NAALADL2: variants seen among roughly 807,000 people sequenced by gnomAD.
NAALADL2 encodes N-acetylated alpha-linked acidic dipeptidase like 2, also known as inactive N-acetylated-alpha-linked acidic dipeptidase-like protein 2.
In NAALADL2, 76 loss-of-function variants were observed where a neutral mutation model predicts 87.2. That is an observed-to-expected ratio of 0.87 (90% confidence interval 0.72 to 1.05). NAALADL2 has a LOEUF of 1.05. Ranked by LOEUF, NAALADL2 falls within the 50% of genes least tolerant of loss-of-function variation. The pLI is 0.00. For synonymous variants in NAALADL2, 354 were observed against 331.0 expected (o/e 1.07, Z -0.75); for missense variants, 1,089 against 945.8 (o/e 1.15, Z -1.99).
intron 3 of NAALADL2, among the ~76,000 whole-genome samples, chr3:174,838,013 C>G (rs1723547738): frequency 8.0e-6 from 1 of 125,520 alleles, no homozygotes; most frequent in Non-Finnish European, 1.7e-5. Flanking sequence ...AAGGACATAA[C>G]CAAAAAAGAA....
At chr3:174,522,589 T>C (rs1266420284) in intron 1 of NAALADL2, among the ~76,000 whole-genome samples, 1 of 151,852 alleles carries the variant, frequency 6.6e-6, no homozygotes, top group Non-Finnish European at 1.5e-5. Context: ...CAGTGAGCCA[T>C]GATCACACCA....
chr3:174,787,592 T>TACAC (rs1422734165), intron 3 of NAALADL2, among the ~76,000 whole-genome samples: 1 of 66,636 alleles, frequency 1.5e-5, no homozygotes, highest in East Asian at 5.2e-4. Context: ...TATATATATA[T>TACAC]ATATATATAT....
intron 5 of NAALADL2, among the ~76,000 whole-genome samples, chr3:175,372,133 T>C (rs1766583766): frequency 6.6e-6 from 1 of 152,204 alleles, no homozygotes; most frequent in Non-Finnish European, 1.5e-5. Flanking sequence ...AGACCTCATT[T>C]AGTGTAGCTG....
At chr3:175,675,282 A>G (rs1201899760) in intron 11 of NAALADL2, 2 of 152,224 alleles carry the variant, frequency 1.3e-5, no homozygotes, top group South Asian at 2.1e-4. Flanking sequence ...AGTACCCATT[A>G]TGTAATTTGC....
intron 13 of NAALADL2, among the ~76,000 whole-genome samples, chr3:175,772,151 G>A (rs924972251): frequency 6.6e-6 from 1 of 152,184 alleles, no homozygotes; most frequent in East Asian, 1.9e-4. Flanking sequence ...TTAAAATCTG[G>A]ATGTATCTTT....
intron 1 of NAALADL2, among the ~76,000 whole-genome samples, chr3:174,962,046 T>C (rs1742084088): frequency 6.6e-6 from 1 of 151,890 alleles, no homozygotes; most frequent in Non-Finnish European, 1.5e-5. Flanking sequence ...CTACTCTCAC[T>C]CTCTACCTCT....
At chr3:175,773,701 T>A (rs1361874396) in intron 13 of NAALADL2, 1 of 152,128 alleles carries the variant, frequency 6.6e-6, no homozygotes, top group African/African-American at 2.4e-5. Flanking sequence ...TGCTGAGAGA[T>A]CTTTGAGACT....
intron 1 of NAALADL2, among the ~76,000 whole-genome samples, chr3:174,992,120 A>C (rs1184827232): frequency 1.3e-5 from 2 of 152,088 alleles, no homozygotes; most frequent in African/African-American, 4.8e-5. Context: ...CAAAATACAC[A>C]GGTGACTCTG....
intron 11 of NAALADL2, among the ~76,000 whole-genome samples, chr3:175,691,495 T>C (rs1737040244): frequency 6.6e-6 from 1 of 151,876 alleles, no homozygotes; most frequent in African/African-American, 2.4e-5. Flanking sequence ...CTGAAATTCT[T>C]ACTGTTTGTA....
chr3:174,892,517 A>G (rs1730980457), intron 1 of NAALADL2, among the ~76,000 whole-genome samples: 1 of 152,316 alleles, frequency 6.6e-6, no homozygotes, highest in African/African-American at 2.4e-5. Flanking sequence ...TAAAAATCTA[A>G]GAGTTATTGA....
intron 5 of NAALADL2, among the ~76,000 whole-genome samples, chr3:175,417,535 A>T (rs12497908): frequency 0.067 from 10,228 of 152,098 alleles, 783 homozygotes; most frequent in African/African-American, 0.18. Flanking sequence ...AAAAAAAACA[A>T]TTCAGTAATT....
chr3:175,707,984 A>G (rs538613449), intron 11 of NAALADL2, among the ~76,000 whole-genome samples: 1 of 152,050 alleles, frequency 6.6e-6, no homozygotes, highest in East Asian at 1.9e-4. Context: ...GAAATGATTC[A>G]CCGAACTGAA....
At chr3:175,167,377 A>G (rs1734154715) in intron 2 of NAALADL2, among the ~76,000 whole-genome samples, 1 of 152,096 alleles carries the variant, frequency 6.6e-6, no homozygotes, top group Non-Finnish European at 1.5e-5. Flanking sequence ...CTGACTACAT[A>G]TAAAAGAAAA....
At chr3:175,233,733 G>A (rs1437014522) in intron 2 of NAALADL2, among the ~76,000 whole-genome samples, 198 bp from the exon 3 acceptor site, 1 of 152,034 alleles carries the variant, frequency 6.6e-6, no homozygotes, top group Non-Finnish European at 1.5e-5. Flanking sequence ...CTACCACAAG[G>A]GCCGTCAGTT....
chr3:175,754,926 T>G (rs1392997356), intron 12 of NAALADL2, among the ~76,000 whole-genome samples: 1 of 152,202 alleles, frequency 6.6e-6, no homozygotes, highest in East Asian at 1.9e-4. Flanking sequence ...AAACTTAATT[T>G]AGTAAAATAT....
rs527913018 is a variant in NAALADL2, at chr3:175,152,523, C to T, written c.545+55232C>T. On this transcript the variant is annotated intron_variant, in intron 2 of 13. Transcript: ENST00000454872. ...GGGAAGATTAAAGAGAACTGGCACA[C>T]CAAAAATATTATACAGAAGTGAAAC... Among the ~76,000 whole-genome samples, 334 of 152,048 alleles carry T rather than the reference C, an allele frequency of 2.2e-3. 1 individual carries two copies. The highest frequency in any genetic ancestry group is 4.0e-3 in the Non-Finnish European group (275 of 67,984).
intron 1 of NAALADL2, among the ~76,000 whole-genome samples, chr3:174,923,933 A>G (rs1398567409): frequency 6.6e-6 from 1 of 152,116 alleles, no homozygotes; most frequent in Non-Finnish European, 1.5e-5. Context: ...AAAAGAACAC[A>G]TGCTGTAATG....
chr3:175,021,961 T>TA (rs1157028969), intron 1 of NAALADL2, among the ~76,000 whole-genome samples: 1 of 152,070 alleles, frequency 6.6e-6, no homozygotes, highest in East Asian at 1.9e-4. Context: ...GACTGGGAGT[T>TA]ACTCATGAAT....
At chr3:175,110,351 A>G (rs556841991) in intron 2 of NAALADL2, among the ~76,000 whole-genome samples, 44 of 151,956 alleles carry the variant, frequency 2.9e-4, no homozygotes, top group Admixed American at 1.6e-3. Context: ...TACAGGCCAT[A>G]TTAGTGAGAA....
Sources: gnomAD v4.1 joint callset for allele counts (sites outside exome capture counted in the v4.1 genomes callset) on GRCh38, gnomAD v4.1.1 for gene constraint, MANE v1.5 for transcripts, NCBI Gene and HGNC (gene_info 2026-07-23, HGNC 2026-07-21) for gene names.